KCNH1: variants seen among roughly 807,000 people sequenced by gnomAD.
KCNH1 encodes the protein potassium voltage-gated channel subfamily H member 1, also known as voltage-gated delayed rectifier potassium channel KCNH1.
Under a neutral mutation model 69.2 loss-of-function variants are expected in KCNH1, and 27 were observed. The observed-to-expected ratio is 0.39, with a 90% confidence interval of 0.29 to 0.54. The LOEUF is 0.54. KCNH1 is among the 20% of genes least tolerant of loss of function. KCNH1 has a pLI of 0.68. For missense variants in KCNH1, 798 were observed against 1,261.6 expected (o/e 0.63, Z 5.57); for synonymous variants, 456 against 487.7 (o/e 0.93, Z 0.86).
intron 5 of KCNH1, among the ~76,000 whole-genome samples, chr1:211,048,138 C>T (rs1458265954): frequency 3.3e-5 from 5 of 152,136 alleles, no homozygotes; most frequent in Admixed American, 3.3e-4. Flanking sequence ...TGCGATACTA[C>T]CTTACTCCTG....
intron 2 of KCNH1, among the ~76,000 whole-genome samples, chr1:211,106,558 C>A (rs1370436052): frequency 1.3e-5 from 2 of 151,400 alleles, no homozygotes; most frequent in African/African-American, 4.9e-5. Context: ...CCAAGGCGGG[C>A]AGACCACCTA....
chr1:211,128,300 AG>A (rs1691818684), intron 1 of KCNH1, among the ~76,000 whole-genome samples: 3 of 151,430 alleles, frequency 2.0e-5, no homozygotes, highest in Non-Finnish European at 4.4e-5. Flanking sequence ...AAAAAAAAAA[AG>A]AAAGAGGTAA....
rs1688067593 is a variant in KCNH1, at chr1:210,951,825, T to C, written c.1033-31756A>G. Among the ~76,000 whole-genome samples, 3 of 152,134 alleles carry C rather than the reference T, an allele frequency of 2.0e-5. No homozygotes were observed. In the South Asian group the frequency reaches 6.2e-4, roughly 32 times the overall value. On this transcript the variant is annotated intron_variant, in intron 6 of 10. Transcript: ENST00000271751. The stretch of plus-strand genomic sequence containing the variant: ...CTGACTGAACTCAGGCCATCTCTCC[T>C]TCATCCTGTTAAATGAAAACAGCTA...
At chr1:211,108,272 A>G (rs796358025) in intron 1 of KCNH1, among the ~76,000 whole-genome samples, 1 of 152,154 alleles carries the variant, frequency 6.6e-6, no homozygotes, top group South Asian at 2.1e-4. Context: ...AAATGTAATC[A>G]TTATTTTAGT....
At chr1:211,010,947 C>G in intron 6 of KCNH1, among the ~76,000 whole-genome samples, 1 of 152,050 alleles carries the variant, frequency 6.6e-6, no homozygotes, top group Non-Finnish European at 1.5e-5. Flanking sequence ...GACACAGCAG[C>G]TGAGTGAGTG....
intron 7 of KCNH1, among the ~76,000 whole-genome samples, chr1:210,846,897 A>G (rs1312419827): frequency 1.3e-5 from 2 of 152,132 alleles, no homozygotes; most frequent in African/African-American, 4.8e-5. Flanking sequence ...AAATCAAACA[A>G]CCCCATCAAA....
chr1:211,036,323 G>C (rs560708925), intron 5 of KCNH1, among the ~76,000 whole-genome samples: 1 of 152,256 alleles, frequency 6.6e-6, no homozygotes, highest in South Asian at 2.1e-4. Context: ...TATCTGGGAG[G>C]CCTGATGGTT....
chr1:211,065,967 G>A (rs143734542), intron 5 of KCNH1, among the ~76,000 whole-genome samples: 2,388 of 152,186 alleles, frequency 0.016, 61 homozygotes, highest in African/African-American at 0.055. Flanking sequence ...GCTGAGGTGA[G>A]AGGATCTCTT....
intron 1 of KCNH1, among the ~76,000 whole-genome samples, chr1:211,128,935 C>T (rs1337863802): frequency 1.3e-5 from 2 of 152,142 alleles, no homozygotes; most frequent in Non-Finnish European, 2.9e-5. Flanking sequence ...GCAAAAGAAA[C>T]ACAATTATAC....
chr1:211,049,560 C>G (rs1243860727), intron 5 of KCNH1, among the ~76,000 whole-genome samples: 1 of 152,116 alleles, frequency 6.6e-6, no homozygotes, highest in Non-Finnish European at 1.5e-5. Flanking sequence ...TAAGGGAGAG[C>G]AGGACTTGAT....
At chr1:210,903,811 T>G (rs913717422) in intron 7 of KCNH1, among the ~76,000 whole-genome samples, 1 of 152,144 alleles carries the variant, frequency 6.6e-6, no homozygotes, top group Non-Finnish European at 1.5e-5. Context: ...AAGGGAGAGA[T>G]GAAGGTTACT....
At chr1:210,831,538 A>G (rs1685161599) in intron 7 of KCNH1, among the ~76,000 whole-genome samples, 1 of 152,192 alleles carries the variant, frequency 6.6e-6, no homozygotes, top group African/African-American at 2.4e-5. Context: ...CTATGAATAG[A>G]TGCCTCAGTA....
At chr1:210,950,388 T>G (rs1209897672) in intron 6 of KCNH1, among the ~76,000 whole-genome samples, 3 of 66,230 alleles carry the variant, frequency 4.5e-5, no homozygotes, top group African/African-American at 1.1e-4. Flanking sequence ...CCCACAACAG[T>G]CCCCAGAGTG....
chr1:211,014,188 A>C (rs1421727887), intron 6 of KCNH1, among the ~76,000 whole-genome samples: 2 of 152,186 alleles, frequency 1.3e-5, no homozygotes, highest in Non-Finnish European at 2.9e-5. Context: ...AATAGCAGTA[A>C]GCAATAAGTT....
At chr1:211,102,429 G>A (rs1691274465) in intron 3 of KCNH1, among the ~76,000 whole-genome samples, 1 of 152,104 alleles carries the variant, frequency 6.6e-6, no homozygotes, top group Non-Finnish European at 1.5e-5. Flanking sequence ...TCCTCTCCTA[G>A]CTAATAGTGG....
Position 210,877,932 on chromosome 1 carries a change from T to C in KCNH1, c.1462+41708A>G, listed in dbSNP as rs77442730. 9.6e-3 allele frequency among the ~76,000 whole-genome samples: 1,456 copies of C among 152,266 alleles called. 25 individuals are homozygous for C. Among genetic ancestry groups the C allele is most frequent in the African/African-American group, 0.034 (1,399 of 41,554 alleles). ...ACATAGATGCAAGAAATTGATTAAA[T>C]GCATAAATAACAAAGTCACCTAACT... On this transcript the variant is annotated intron_variant, in intron 7 of 10. Transcript: ENST00000271751.
intron 5 of KCNH1, among the ~76,000 whole-genome samples, chr1:211,050,260 T>TTAAAAAAAAA (rs1690173801): frequency 1.7e-5 from 1 of 58,582 alleles, no homozygotes. Context: ...CACACATTCT[T>TTAAAAAAAAA]AAAAAAAAAA....
rs536562750 is a variant in KCNH1 at position 210,687,704 on chromosome 1, G to T, written c.2113-3566C>A. Reference sequence around the variant, plus strand: ...CTTACTAACTTCGACTGCTTTTCTGGAGAAGTTAGTCACGGAGTCTGTCTC... The same window carrying T: ...CTTACTAACTTCGACTGCTTTTCTGTAGAAGTTAGTCACGGAGTCTGTCTC... On this transcript the variant is annotated intron_variant, in intron 10 of 10. Coordinates refer to ENST00000271751, the MANE Select transcript of KCNH1 (RefSeq NM_172362.3). Among the ~76,000 whole-genome samples, 8 of 152,350 alleles carry T rather than the reference G, an allele frequency of 5.3e-5. No homozygotes were observed. In the East Asian group the frequency reaches 1.3e-3, roughly 26 times the overall value.
chr1:210,793,214 A>C (rs1483774012), intron 9 of KCNH1, among the ~76,000 whole-genome samples: 1 of 152,188 alleles, frequency 6.6e-6, no homozygotes, highest in Non-Finnish European at 1.5e-5. Flanking sequence ...AGATCATAAG[A>C]GATTTCTGAT....
Sources: allele counts gnomAD v4.1 joint callset (sites outside exome capture counted in the v4.1 genomes callset), GRCh38; gene constraint gnomAD v4.1.1; transcripts MANE v1.5; gene names NCBI Gene and HGNC (gene_info 2026-07-23, HGNC 2026-07-21).